Variants in NUFIP2 observed in about 807,000 individuals in gnomAD.
The protein encoded by NUFIP2 is FMR1-interacting protein NUFIP2.
A neutral mutation model predicts 56.9 loss-of-function variants in NUFIP2; 6 were observed. The ratio of observed to expected loss-of-function variants is 0.11; its 90% confidence interval spans 0.06 to 0.21. NUFIP2 has a LOEUF of 0.21. Among genes scored for constraint, NUFIP2 ranks in the 10% least tolerant of loss-of-function variants. NUFIP2 has a pLI of 1.00. For missense variants in NUFIP2, 828 were observed against 826.8 expected (o/e 1.00, Z -0.02); for synonymous variants, 321 against 298.2 (o/e 1.08, Z -0.79).
chr17:29,291,032 TAACAA>T (rs2069209110), intron 1 of NUFIP2, among the ~76,000 whole-genome samples: 3 of 62,074 alleles, frequency 4.8e-5, no homozygotes, highest in Admixed American at 3.2e-4. Flanking sequence ...CAAGTTTTAA[TAACAA>T]AAAAAAAAAA....
chr17:29,272,617 G>A lies in NUFIP2; in HGVS notation c.2003-5087C>T, dbSNP rs908343733. ...AATAGTATAAAGAAGGCTAAGGAAG[G>A]CAATTTGAATTATACAAAATCATCA... is the stretch of plus-strand genomic sequence containing the variant. On this transcript the variant is annotated intron_variant, in intron 2 of 3. Coordinates refer to ENST00000225388, the MANE Select transcript of NUFIP2 (RefSeq NM_020772.3). 3.3e-5 allele frequency among the ~76,000 whole-genome samples: 5 copies of A among 152,156 alleles called. No individual in the cohort carries two copies. In the East Asian group the frequency reaches 9.6e-4, roughly 29 times the overall value.
At chr17:29,290,018 G>T (rs1294363803) in intron 1 of NUFIP2, among the ~76,000 whole-genome samples, 1 of 152,054 alleles carries the variant, frequency 6.6e-6, no homozygotes, top group Non-Finnish European at 1.5e-5. Context: ...CCGCCTCCCA[G>T]ATTCTCCTGA....
At chr17:29,293,512 G>A (rs1288798773) in intron 1 of NUFIP2, among the ~76,000 whole-genome samples, 1 of 152,102 alleles carries the variant, frequency 6.6e-6, no homozygotes, top group Non-Finnish European at 1.5e-5. Flanking sequence ...GACTTGCAAG[G>A]CCGACCCAGC....
chr17:29,264,391 G>GTA lies in NUFIP2; in HGVS notation c.*146_*147dup, dbSNP rs200721235. The GTA allele has an allele frequency of 8.4e-4, 175 of 208,772 alleles. No homozygotes were observed. The highest frequency in any genetic ancestry group is 1.6e-3 in the African/African-American group (58 of 36,730). The allele number at this position is 208,772 out of a possible 1,614,324, so 12.9% of individuals were successfully genotyped here. On this transcript the variant is annotated 3_prime_UTR_variant, in exon 4 of 4. Transcript: ENST00000225388. ...TTTAAATAACTATATATATATATATGTATATATATATATTTGTATATATTA... is the reference window on the plus strand; with the variant it reads ...TTTAAATAACTATATATATATATATGTATATATATATATATTTGTATATATTA...
chr17:29,270,162 A>G (rs1352658928), intron 2 of NUFIP2, among the ~76,000 whole-genome samples: 3 of 152,298 alleles, frequency 2.0e-5, no homozygotes, highest in Admixed American at 6.5e-5. Flanking sequence ...TATTACAGTG[A>G]TTAAACCAAA....
At chr17:29,291,276 AC>A (rs1394525738) in intron 1 of NUFIP2, among the ~76,000 whole-genome samples, 1 of 152,158 alleles carries the variant, frequency 6.6e-6, no homozygotes, top group African/African-American at 2.4e-5. Context: ...GAGTCCTGAT[AC>A]ATCTAGCTTT....
Position 29,293,785 on chromosome 17 carries a change from G to A in NUFIP2, c.275C>T (p.Thr92Ile). 2 of 1,541,074 alleles carry A rather than the reference G, an allele frequency of 1.3e-6. No individual in the cohort carries two copies. The highest frequency in any genetic ancestry group is 2.3e-5 in the East Asian group (1 of 42,940). The change falls in exon 1 of 4, where the codon ACA becomes ATA. Residue 92 changes from threonine (T) to isoleucine (I), a missense_variant and splice_region_variant. Coordinates refer to ENST00000225388, the MANE Select transcript of NUFIP2 (RefSeq NM_020772.3). Reference protein sequence around the residue: ...QQHQETPKKKTGYGELNGNAG... With the variant: ...QQHQETPKKKIGYGELNGNAG... ...CCCACCCGTCCTCCCTCCCAGACCTGTTTTCTTCTTCGGCGTTTCCTGGTG... is the reference window on the plus strand; with the variant it reads ...CCCACCCGTCCTCCCTCCCAGACCTATTTTCTTCTTCGGCGTTTCCTGGTG...
chr17:29,288,129 C>G (rs189924430), intron 1 of NUFIP2, among the ~76,000 whole-genome samples: 2 of 152,244 alleles, frequency 1.3e-5, no homozygotes, highest in Non-Finnish European at 2.9e-5. Flanking sequence ...CTGTAAGCTC[C>G]ACCTCCCGGG....
chr17:29,267,183 C>T (rs996690781), intron 3 of NUFIP2, among the ~76,000 whole-genome samples: 8 of 151,146 alleles, frequency 5.3e-5, no homozygotes, highest in South Asian at 2.1e-4. Context: ...GGATTACAGG[C>T]GTGAGCCACC....
intron 2 of NUFIP2, among the ~76,000 whole-genome samples, chr17:29,274,951 G>C (rs1223147185): frequency 6.6e-6 from 1 of 152,010 alleles, no homozygotes; most frequent in Non-Finnish European, 1.5e-5. Context: ...AGCAGGTTTT[G>C]GAAGAGAATG....
In NUFIP2 at chr17:29,286,854, A is replaced by G. The variant is rs757152628; in HGVS notation, c.1140T>C (p.Ser380=). 24 of 1,614,028 alleles carry G rather than the reference A, an allele frequency of 1.5e-5. No individual in the cohort carries two copies. The African/African-American group carries it at 2.7e-4, about 18-fold the overall frequency. The change falls in exon 2 of 4, where the codon TCT becomes TCC. Residue 380 remains serine, a synonymous_variant. Transcript: ENST00000225388. ...CCCCGGTAGATGATGAAGATGATGA[A>G]GATGAAGTTGGTGACACAGAAGAGT... The part of the protein sequence containing the change: ...IQNSSVSPTS[S]SSSSSSTGET...
intron 2 of NUFIP2, among the ~76,000 whole-genome samples, chr17:29,277,744 G>A (rs2153011720): frequency 6.6e-6 from 1 of 152,248 alleles, no homozygotes; most frequent in South Asian, 2.1e-4. Context: ...CAGGTGCGGT[G>A]GCTTATGGTT....
intron 2 of NUFIP2, among the ~76,000 whole-genome samples, chr17:29,273,273 C>T (rs541102861): frequency 4.6e-5 from 7 of 151,908 alleles, no homozygotes; most frequent in African/African-American, 9.7e-5. Flanking sequence ...CTCCTGACCT[C>T]GTGATCCACC....
rs61077728 is a variant in NUFIP2 at position 29,273,497 on chromosome 17, TACAC to T, written c.2003-5971_2003-5968del. Reference sequence around the variant, plus strand: ...TTGATCTTTTAACACTGCTCTCTTCTACACACACACACACACACACACACACACA... The same window carrying T: ...TTGATCTTTTAACACTGCTCTCTTCTACACACACACACACACACACACACA... On this transcript the variant is annotated intron_variant, in intron 2 of 3. Coordinates refer to ENST00000225388, the MANE Select transcript of NUFIP2 (RefSeq NM_020772.3). Among the ~76,000 whole-genome samples, 754 of 149,038 alleles carry T rather than the reference TACAC, an allele frequency of 5.1e-3. 4 individuals are homozygous for T. The highest frequency in any genetic ancestry group is 7.4e-3 in the Non-Finnish European group (495 of 66,754).
Position 29,262,583 on chromosome 17 carries a change from G to A in NUFIP2, c.*1956C>T, listed in dbSNP as rs1335685817. 1 of 152,314 alleles carries A rather than the reference G, an allele frequency of 6.6e-6. No homozygotes were observed. The highest frequency in any genetic ancestry group is 1.9e-4 in the East Asian group (1 of 5,204). The allele number at this position is 152,314 out of a possible 1,614,324, so 9.4% of individuals were successfully genotyped here. ...CAAAAATCAAAATAGGAACAAGGCA[G>A]ACTAAATGCAGGGCACATCTGTAAA... On this transcript the variant is annotated 3_prime_UTR_variant, in exon 4 of 4. Coordinates refer to ENST00000225388, the MANE Select transcript of NUFIP2 (RefSeq NM_020772.3).
At chr17:29,266,805 T>G (rs968059211) in intron 3 of NUFIP2, among the ~76,000 whole-genome samples, 19 of 151,900 alleles carry the variant, frequency 1.3e-4, no homozygotes, top group African/African-American at 3.9e-4. Flanking sequence ...AATAATACTT[T>G]CATCTGTTTT....
intron 2 of NUFIP2, among the ~76,000 whole-genome samples, chr17:29,276,648 A>G (rs932463137): frequency 3.9e-5 from 6 of 152,118 alleles, no homozygotes; most frequent in African/African-American, 1.4e-4. Context: ...AACAATAGTA[A>G]TACATTTCTT....
intron 1 of NUFIP2, among the ~76,000 whole-genome samples, chr17:29,292,638 G>A (rs1179060966): frequency 7.1e-6 from 1 of 140,358 alleles, no homozygotes; most frequent in Non-Finnish European, 1.5e-5. Context: ...TAGGAGCGCC[G>A]CGGCCGCCGC....
chr17:29,294,109 A>G lies in NUFIP2; in HGVS notation c.-50T>C, dbSNP rs371233693. On this transcript the variant is annotated 5_prime_UTR_variant, in exon 1 of 4. Coordinates refer to ENST00000225388, the MANE Select transcript of NUFIP2 (RefSeq NM_020772.3). ...TGAGGCTGCGGGCTGCTGCACCGTC[A>G]GGATCTGAGACTGCTTCTCAGGGCT... 7.6e-5 allele frequency: 117 copies of G among 1,548,930 alleles called. No individual in the cohort carries two copies. Among genetic ancestry groups the G allele is most frequent in the Non-Finnish European group, 9.4e-5 (108 of 1,147,298 alleles).
Sources: allele counts gnomAD v4.1 joint callset (sites outside exome capture counted in the v4.1 genomes callset), GRCh38; gene constraint gnomAD v4.1.1; transcripts MANE v1.5; gene names NCBI Gene and HGNC (gene_info 2026-07-23, HGNC 2026-07-21).